Variants in PCTP observed in about 807,000 individuals in gnomAD.
PCTP encodes phosphatidylcholine transfer protein, also known as START domain-containing protein 2.
In PCTP, 27 loss-of-function variants were observed where a neutral mutation model predicts 31.0. The observed-to-expected ratio is 0.87, with a 90% confidence interval of 0.64 to 1.20. PCTP has a LOEUF of 1.20. Ranked by LOEUF, PCTP falls within the 50% of genes most tolerant of loss-of-function variation. The probability of loss-of-function intolerance (pLI) is 0.00; values close to 1 mark genes in which losing one functional copy is unlikely to be tolerated. For synonymous variants in PCTP, 108 were observed against 101.2 expected, an observed-to-expected ratio of 1.07 and a Z score of -0.40; for missense variants, 287 against 268.2, an observed-to-expected ratio of 1.07 and a Z score of -0.49.
At chr17:55,819,818 G>A (rs1913055137) in intron 3 of PCTP, among the ~76,000 whole-genome samples, 1 of 152,162 alleles carries the variant, frequency 6.6e-6, no homozygotes, top group Non-Finnish European at 1.5e-5. Flanking sequence ...CATGAGGATT[G>A]ATATATAAAT....
rs115855770 is a variant in PCTP at position 55,771,654 on chromosome 17, T to C, written c.339+469T>C. ...GCTCTCTCCGCCTCCCCCATCTCAG[T>C]AGACCCCACAGAAATCCCTCCTTGA... On this transcript the variant is annotated intron_variant, in intron 3 of 5. Coordinates refer to ENST00000268896, the MANE Select transcript of PCTP (RefSeq NM_021213.4). 7.8e-3 allele frequency among the ~76,000 whole-genome samples: 1,191 copies of C among 152,266 alleles called. 26 individuals carry two copies. The highest frequency in any genetic ancestry group is 0.027 in the African/African-American group (1,124 of 41,546).
chr17:55,773,629 C>G, intron 3 of PCTP, 95 bp from the exon 4 acceptor site: 1 of 1,224,600 alleles, frequency 8.2e-7, no homozygotes, highest in Non-Finnish European at 1.1e-6. Flanking sequence ...AAGTGGGAGG[C>G]ACAGAATCAC....
At chr17:55,784,211 A>G (rs1396117033) in intron 2 of PCTP, among the ~76,000 whole-genome samples, 1 of 152,158 alleles carries the variant, frequency 6.6e-6, no homozygotes, top group Non-Finnish European at 1.5e-5. Flanking sequence ...GCTGGGATTA[A>G]CTGACCCAGA....
chr17:55,780,738 T>G (rs1911535120), downstream of PCTP, among the ~76,000 whole-genome samples: 2 of 152,186 alleles, frequency 1.3e-5, no homozygotes, highest in African/African-American at 4.8e-5. Flanking sequence ...CCAGCCACCC[T>G]TGCAGTAAAG....
chr17:55,810,408 C>T (rs1912711790), intron 3 of PCTP, among the ~76,000 whole-genome samples: 1 of 152,184 alleles, frequency 6.6e-6, no homozygotes, highest in Non-Finnish European at 1.5e-5. Flanking sequence ...CTGGGCCTAG[C>T]TGAATATCCA....
At position 55,830,131 on chromosome 17, in the gene PCTP, G is replaced by T. The variant is rs187124005; in HGVS notation, n.505+7204G>T. 2.1e-3 allele frequency among the ~76,000 whole-genome samples: 315 copies of T among 152,266 alleles called. 1 individual carries two copies. The highest frequency in any genetic ancestry group is 7.3e-3 in the African/African-American group (305 of 41,550). ...CCTGGAAAGCTTTAAAAATACTAATGTCTGGGTTCCATCCCCAGAGATCGC... is the reference window on the plus strand; with the variant it reads ...CCTGGAAAGCTTTAAAAATACTAATTTCTGGGTTCCATCCCCAGAGATCGC... On this transcript the variant is annotated intron_variant and non_coding_transcript_variant, in intron 5 of 5. Coordinates refer to the PCTP transcript ENST00000576221.
Position 55,751,108 on chromosome 17 carries a change from A to G in PCTP, c.5A>G (p.Glu2Gly), listed in dbSNP as rs1206455626. The G allele has an allele frequency of 4.5e-6, 7 of 1,539,450 alleles. No individual in the cohort carries two copies. Among genetic ancestry groups the G allele is most frequent in the Non-Finnish European group, 3.5e-6 (4 of 1,142,912 alleles). The part of the protein sequence containing the change: M[E>G]LAAGSFSEEQ... ...AGGAGCCCGGACTGCGGAAGGATGG[A>G]GCTGGCCGCCGGAAGCTTCTCGGAG... is the stretch of plus-strand genomic sequence containing the variant. Residue 2 changes from glutamate to glycine, a missense_variant, in exon 1 of 6, where the codon GAG becomes GGG. Coordinates refer to ENST00000268896, the MANE Select transcript of PCTP (RefSeq NM_021213.4).
rs186641108 is a variant in PCTP, at chr17:55,760,695, C to T, written c.142-6640C>T. Reference sequence around the variant, plus strand: ...CTTTCTCCTGGTTCCTTTCTGAACCCTTCAGAAGCAGCATCTAAAAAAAAA... The same window carrying T: ...CTTTCTCCTGGTTCCTTTCTGAACCTTTCAGAAGCAGCATCTAAAAAAAAA... On this transcript the variant is annotated intron_variant, in intron 1 of 5. Transcript: ENST00000268896. Among the ~76,000 whole-genome samples the T allele has an allele frequency of 1.4e-3, 212 of 152,242 alleles. 1 individual carries two copies. The highest frequency in any genetic ancestry group is 2.5e-3 in the Non-Finnish European group (171 of 68,026).
At chr17:55,795,130 GA>G (rs1240414127) in intron 3 of PCTP, among the ~76,000 whole-genome samples, 3 of 151,916 alleles carry the variant, frequency 2.0e-5, no homozygotes, top group Non-Finnish European at 4.4e-5. Context: ...TGTTTCTAAA[GA>G]GCTATCCCCC....
chr17:55,817,324 C>G, intron 3 of PCTP, among the ~76,000 whole-genome samples: 1 of 152,210 alleles, frequency 6.6e-6, no homozygotes, highest in East Asian at 1.9e-4. Flanking sequence ...AGTAGCTGTG[C>G]TAAAACTTTG....
At chr17:55,818,012 G>T (rs757802197) in intron 3 of PCTP, among the ~76,000 whole-genome samples, 5 of 152,124 alleles carry the variant, frequency 3.3e-5, no homozygotes, top group Non-Finnish European at 5.9e-5. Context: ...ACCTAAGTTT[G>T]GTGAGTACCA....
At chr17:55,786,102 G>A (rs1161707462) in intron 2 of PCTP, among the ~76,000 whole-genome samples, 6 of 152,168 alleles carry the variant, frequency 3.9e-5, no homozygotes. Flanking sequence ...GGCCAACATG[G>A]CAAAACCCCT....
At chr17:55,825,736 T>C (rs1324865602), downstream of PCTP, among the ~76,000 whole-genome samples, 1 of 152,212 alleles carries the variant, frequency 6.6e-6, no homozygotes, top group Non-Finnish European at 1.5e-5. Flanking sequence ...CCTTAACGCA[T>C]ATTTAAACAT....
At chr17:55,761,065 C>A (rs977155355) in intron 1 of PCTP, among the ~76,000 whole-genome samples, 6 of 152,124 alleles carry the variant, frequency 3.9e-5, no homozygotes, top group African/African-American at 7.2e-5. Context: ...ATAGAAGGGG[C>A]CAGTGTGCAA....
rs758688354 is a variant in PCTP, at chr17:55,799,459, A to G, written c.317+11805A>G. 3.5e-5 allele frequency among the ~76,000 whole-genome samples: 5 copies of G among 141,052 alleles called. No individual in the cohort carries two copies. In the East Asian group the frequency reaches 1.0e-3, roughly 29 times the overall value. 92.5% of individuals were successfully genotyped at this position (141,052 alleles called of 152,430 possible). The stretch of plus-strand genomic sequence containing the variant: ...TCCTCCATCCCTTTGTTTTGAGCCT[A>G]TGTGTGTGTTTGCACATGAGATGGG... On this transcript the variant is annotated intron_variant, in intron 3 of 3. Transcript: ENST00000572536.
At position 55,773,772 on chromosome 17, in the gene PCTP, A is replaced by T. The variant is rs201706902; in HGVS notation, c.388A>T (p.Ile130Phe). Residue 130 changes from isoleucine (I) to phenylalanine (F), a missense_variant, in exon 4 of 6, where the codon ATC becomes TTC. Transcript: ENST00000268896. ...RRDLDMEGRK[I>F]HVILARSTSM... ...AGACCTGGACATGGAAGGGAGGAAG[A>T]TCCATGTGATCCTGGCCCGGAGCAC... 233 of 1,613,788 alleles carry T rather than the reference A, an allele frequency of 1.4e-4. 3 individuals are homozygous for T. The Middle Eastern group carries it at 1.8e-3, about 13-fold the overall frequency.
chr17:55,770,985 G>C (rs1469613764), intron 2 of PCTP, 121 bp from the exon 3 acceptor site: 8 of 696,224 alleles, frequency 1.1e-5, no homozygotes, highest in Non-Finnish European at 2.0e-5. Flanking sequence ...GACTCACCTT[G>C]GCCTCAAAAA....
intron 3 of PCTP, among the ~76,000 whole-genome samples, chr17:55,820,848 G>A (rs1913091240): frequency 6.6e-6 from 1 of 152,200 alleles, no homozygotes; most frequent in Admixed American, 6.5e-5. Context: ...CACCCATTAG[G>A]ATGGCTATAA....
At chr17:55,784,597 T>C (rs1343264290) in intron 2 of PCTP, among the ~76,000 whole-genome samples, 2 of 152,090 alleles carry the variant, frequency 1.3e-5, no homozygotes, top group Non-Finnish European at 2.9e-5. Flanking sequence ...ACCAGTAAAA[T>C]AAAATATTTT....
Sources: gnomAD v4.1 joint callset for allele counts (sites outside exome capture counted in the v4.1 genomes callset) on GRCh38, gnomAD v4.1.1 for gene constraint, MANE v1.5 for transcripts, NCBI Gene and HGNC (gene_info 2026-07-23, HGNC 2026-07-21) for gene names.